The following TBL1XR1 variants were observed in gnomAD, a reference collection of about 807,000 sequenced individuals.
TBL1XR1 encodes the protein TBL1X/Y related 1.
In TBL1XR1, 5 loss-of-function variants were observed where a neutral mutation model predicts 66.9. The ratio of observed to expected loss-of-function variants is 0.07; its 90% CI spans 0.04 to 0.16. TBL1XR1 has a LOEUF of 0.16. Among genes scored for constraint, TBL1XR1 ranks in the 10% least tolerant of loss-of-function variants. The probability of loss-of-function intolerance (pLI) is 1.00; values close to 1 mark genes in which losing one functional copy is unlikely to be tolerated. For missense variants in TBL1XR1, 238 were observed against 623.2 expected (o/e 0.38, Z 6.58); for synonymous variants, 210 against 206.0 (o/e 1.02, Z -0.17).
chr3:177,149,479 G>C (rs1031439897), intron 1 of TBL1XR1, among the ~76,000 whole-genome samples: 1 of 151,832 alleles, frequency 6.6e-6, no homozygotes, highest in African/African-American at 2.4e-5. Context: ...AAGAAAACTG[G>C]GGTTTAAAAT....
intron 2 of TBL1XR1, among the ~76,000 whole-genome samples, chr3:177,084,087 C>CAAAAA (rs36022409): frequency 6.8e-5 from 5 of 73,850 alleles, no homozygotes; most frequent in South Asian, 3.5e-4. Context: ...GACTCCGTCT[C>CAAAAA]AAAAAAAAAA....
intron 1 of TBL1XR1, among the ~76,000 whole-genome samples, chr3:177,167,334 G>C (rs192463877): frequency 2.6e-4 from 39 of 152,324 alleles, no homozygotes; most frequent in Middle Eastern, 6.8e-3. Context: ...GGAAGTGGGG[G>C]AAGGGATGAA....
intron 2 of TBL1XR1, among the ~76,000 whole-genome samples, chr3:177,070,778 G>C (rs1244722388): frequency 6.6e-6 from 1 of 151,780 alleles, no homozygotes. Flanking sequence ...CCCAGGAGAC[G>C]GTAGCTGCAG....
chr3:177,178,031 G>C (rs1734361443), intron 1 of TBL1XR1, among the ~76,000 whole-genome samples: 1 of 152,168 alleles, frequency 6.6e-6, no homozygotes, highest in African/African-American at 2.4e-5. Flanking sequence ...TGACATAAAA[G>C]AATCAGCTAT....
chr3:177,049,841 G>T (rs1420857522), intron 7 of TBL1XR1, among the ~76,000 whole-genome samples, 156 bp downstream of exon 7: 3 of 151,840 alleles, frequency 2.0e-5, no homozygotes, highest in African/African-American at 7.3e-5. Context: ...GTCCCACAGT[G>T]GGGGAGAGGG....
intron 1 of TBL1XR1, among the ~76,000 whole-genome samples, chr3:177,156,165 C>CAAAAAA (rs60079156): frequency 2.0e-5 from 1 of 50,000 alleles, no homozygotes; most frequent in Non-Finnish European, 3.5e-5. Flanking sequence ...TCTACTCTAC[C>CAAAAAA]AAAAAAAAAA....
At chr3:177,128,012 AGTTC>A (rs1160417598) in intron 1 of TBL1XR1, among the ~76,000 whole-genome samples, 1 of 152,188 alleles carries the variant, frequency 6.6e-6, no homozygotes, top group Admixed American at 6.6e-5. Context: ...TGAGGTCAGG[AGTTC>A]GAGACCAGCC....
intron 2 of TBL1XR1, among the ~76,000 whole-genome samples, chr3:177,080,831 C>A (rs114604072): frequency 6.6e-6 from 1 of 152,140 alleles, no homozygotes; most frequent in Non-Finnish European, 1.5e-5. Context: ...AACTTAACAA[C>A]TAGCTTTAAG....
intron 10 of TBL1XR1, among the ~76,000 whole-genome samples, chr3:177,045,626 C>A (rs529839502): frequency 6.6e-6 from 1 of 152,136 alleles, no homozygotes; most frequent in Non-Finnish European, 1.5e-5. Flanking sequence ...TAGACAAATA[C>A]TCAGGTACCT....
rs1412961977 is a variant in TBL1XR1 at position 177,020,891 on chromosome 3, G to A, written c.*4607C>T. The A allele has an allele frequency of 1.3e-5, 2 of 152,172 alleles. No individual in the cohort carries two copies. Among genetic ancestry groups the A allele is most frequent in the East Asian group, 1.9e-4 (1 of 5,204 alleles). 9.4% of individuals were successfully genotyped at this position (152,172 alleles called of 1,614,324 possible). ...GCCTAGAAAGGATAAAAGGGTCACT[G>A]GGGACAAATCATTGTGATGTGGAAC... On this transcript the variant is annotated 3_prime_UTR_variant, in exon 16 of 16. Coordinates refer to ENST00000457928, the MANE Select transcript of TBL1XR1 (RefSeq NM_024665.7).
At chr3:177,144,720 T>G (rs554637243) in intron 1 of TBL1XR1, among the ~76,000 whole-genome samples, 1 of 151,008 alleles carries the variant, frequency 6.6e-6, no homozygotes, top group African/African-American at 2.4e-5. Flanking sequence ...ACCACTGCAC[T>G]CCAGCCTGGG....
intron 1 of TBL1XR1, among the ~76,000 whole-genome samples, chr3:177,119,858 TTATTGTAA>T (rs1441587638): frequency 2.0e-5 from 3 of 152,336 alleles, no homozygotes; most frequent in African/African-American, 7.2e-5. Flanking sequence ...CATGGTCATT[TTATTGTAA>T]TGCAACCACT....
At chr3:177,133,881 A>AAAAG (rs1728600680) in intron 1 of TBL1XR1, among the ~76,000 whole-genome samples, 2 of 150,742 alleles carry the variant, frequency 1.3e-5, no homozygotes, top group African/African-American at 4.9e-5. Context: ...TATCTCAAAA[A>AAAAG]AAAAAAAAAA....
intron 1 of TBL1XR1, among the ~76,000 whole-genome samples, chr3:177,106,835 T>TC (rs1724950465): frequency 6.6e-6 from 1 of 152,192 alleles, no homozygotes; most frequent in South Asian, 2.1e-4. Flanking sequence ...CCATTCAGAT[T>TC]CTGCCGTCCT....
chr3:177,023,174 A>T lies in TBL1XR1; in HGVS notation c.*2324T>A, dbSNP rs1364514293. 6.6e-6 allele frequency: 1 copy of T among 152,542 alleles called. No homozygotes were observed. Among genetic ancestry groups the T allele is most frequent in the Admixed American group, 6.6e-5 (1 of 15,258 alleles). The allele number at this position is 152,542 out of a possible 1,614,324, so 9.4% of individuals were successfully genotyped here. A position where few individuals can be genotyped will look rare whatever the true frequency, so the allele number is the denominator to read the frequency against. On this transcript the variant is annotated 3_prime_UTR_variant, in exon 16 of 16. Coordinates refer to ENST00000457928, the MANE Select transcript of TBL1XR1 (RefSeq NM_024665.7). Reference sequence around the variant, plus strand: ...GAATAAACTGTCCATATCAAAATACAAAAGTACTATCAATAATCACCTCTG... The same window carrying T: ...GAATAAACTGTCCATATCAAAATACTAAAGTACTATCAATAATCACCTCTG...
chr3:177,101,429 G>A (rs1724197531), intron 1 of TBL1XR1, among the ~76,000 whole-genome samples: 1 of 152,162 alleles, frequency 6.6e-6, no homozygotes, highest in Non-Finnish European at 1.5e-5. Flanking sequence ...AATTTCATGT[G>A]TTGGAGACTT....
intron 1 of TBL1XR1, among the ~76,000 whole-genome samples, chr3:177,106,193 T>C (rs1354457497): frequency 6.6e-6 from 1 of 152,014 alleles, no homozygotes; most frequent in Non-Finnish European, 1.5e-5. Flanking sequence ...AAAGCCCAAA[T>C]GAGCCTCAGC....
In TBL1XR1 at chr3:177,023,301, T is replaced by G. The variant is rs1712629054; in HGVS notation, c.*2197A>C. On this transcript the variant is annotated 3_prime_UTR_variant, in exon 16 of 16. Transcript: ENST00000457928. ...TTTGTGTCTATTCCTGGGAGCACAT[T>G]TTAAAATTATTGCACAGATTTTTTT... 1 of 152,668 alleles carries G rather than the reference T, an allele frequency of 6.6e-6. No individual in the cohort carries two copies. The highest frequency in any genetic ancestry group is 1.5e-5 in the Non-Finnish European group (1 of 67,962). The allele number at this position is 152,668 out of a possible 1,614,324, so 9.5% of individuals were successfully genotyped here.
At chr3:177,123,464 A>G (rs1265341413) in intron 1 of TBL1XR1, among the ~76,000 whole-genome samples, 1 of 152,090 alleles carries the variant, frequency 6.6e-6, no homozygotes, top group African/African-American at 2.4e-5. Flanking sequence ...ACAATTGGGC[A>G]AACAAGATAA....
Sources: gnomAD v4.1 joint callset for allele counts (sites outside exome capture counted in the v4.1 genomes callset) on GRCh38, gnomAD v4.1.1 for gene constraint, MANE v1.5 for transcripts, NCBI Gene and HGNC (gene_info 2026-07-23, HGNC 2026-07-21) for gene names.